Variants in SMYD2 observed in about 807,000 individuals in gnomAD.
SMYD2 encodes N-lysine methyltransferase SMYD2.
Under a neutral mutation model 59.1 loss-of-function variants are expected in SMYD2, and 53 were observed. The ratio of observed to expected loss-of-function variants is 0.90; its 90% CI spans 0.72 to 1.13. The LOEUF (loss-of-function observed/expected upper bound fraction) is 1.13. SMYD2 is among the 50% of genes most tolerant of loss of function. The pLI is 0.00. For synonymous variants in SMYD2, 208 were observed against 198.8 expected (o/e 1.05, Z -0.39); for missense variants, 494 against 544.7 (o/e 0.91, Z 0.93).
chr1:214,309,363 A>G (rs1430898903), intron 2 of SMYD2, among the ~76,000 whole-genome samples: 2 of 152,192 alleles, frequency 1.3e-5, no homozygotes, highest in African/African-American at 2.4e-5. Context: ...TATATTACTC[A>G]TTCACCCACT....
At position 214,281,286 on chromosome 1, in the gene SMYD2, G is replaced by C. The variant is rs757639696; in HGVS notation, c.32G>C (p.Arg11Pro). ...GCCGAGGGCCTCGGCGGCCTGGAGCGCTTCTGCAGCCCGGGCAAAGGCCGG... is the reference window on the plus strand; with the variant it reads ...GCCGAGGGCCTCGGCGGCCTGGAGCCCTTCTGCAGCCCGGGCAAAGGCCGG... MRAEGLGGLE[R>P]FCSPGKGRGL... The change falls in exon 1 of 12, where the codon CGC becomes CCC. Residue 11 changes from arginine (R) to proline (P), a missense_variant. Coordinates refer to ENST00000366957, the MANE Select transcript of SMYD2 (RefSeq NM_020197.3). The C allele has an allele frequency of 5.6e-4, 746 of 1,328,838 alleles. No homozygotes were observed. Among genetic ancestry groups the C allele is most frequent in the Non-Finnish European group, 7.0e-4 (723 of 1,031,740 alleles). The allele number at this position is 1,328,838 out of a possible 1,614,324, so 82.3% of individuals were successfully genotyped here.
intron 9 of SMYD2, chr1:214,331,815 T>C (rs1657358777): frequency 1.8e-6 from 1 of 550,548 alleles, no homozygotes; most frequent in Admixed American, 3.4e-5. Context: ...AATTCTTGAG[T>C]TGAGCGGTTC....
intron 1 of SMYD2, among the ~76,000 whole-genome samples, chr1:214,294,636 A>T (rs1002991884): frequency 6.6e-5 from 10 of 152,198 alleles, no homozygotes; most frequent in African/African-American, 2.4e-4. Flanking sequence ...GTGCCACCGC[A>T]CTCCAGCCTA....
chr1:214,328,248 T>C (rs1657294203), intron 7 of SMYD2, among the ~76,000 whole-genome samples: 1 of 152,104 alleles, frequency 6.6e-6, no homozygotes, highest in Non-Finnish European at 1.5e-5. Flanking sequence ...CAGAATTTCG[T>C]GTTCTATCAG....
At chr1:214,304,136 G>A (rs1199787456) in intron 1 of SMYD2, among the ~76,000 whole-genome samples, 2 of 152,216 alleles carry the variant, frequency 1.3e-5, no homozygotes, top group Non-Finnish European at 2.9e-5. Context: ...TTTATGGGAA[G>A]CAGGAAAAAT....
In SMYD2 at chr1:214,332,086, A is replaced by G; in HGVS notation, c.1006A>G (p.Asn336Asp). The G allele has an allele frequency of 6.2e-7, 1 of 1,614,150 alleles. No individual in the cohort carries two copies. Among genetic ancestry groups the G allele is most frequent in the Non-Finnish European group, 8.5e-7 (1 of 1,180,034 alleles). ...GATGAGCTCTGTGTTTGAGGACAGTAACGTGTACATGTTGCACATGATGTA... is the reference window on the plus strand; with the variant it reads ...GATGAGCTCTGTGTTTGAGGACAGTGACGTGTACATGTTGCACATGATGTA... The part of the protein sequence containing the change: ...EKMSSVFEDS[N>D]VYMLHMMYQA... Residue 336 changes from asparagine to aspartate, a missense_variant, in exon 10 of 12, where the codon AAC (asparagine) becomes GAC (aspartate). Coordinates refer to ENST00000366957, the MANE Select transcript of SMYD2 (RefSeq NM_020197.3).
At chr1:214,327,865 T>C (rs1657288243) in intron 7 of SMYD2, 141 bp downstream of exon 7, 1 of 636,306 alleles carries the variant, frequency 1.6e-6, no homozygotes, top group Non-Finnish European at 2.8e-6. Context: ...GCCCTCAGGC[T>C]CTCCAGGAGT....
Position 214,334,215 on chromosome 1 carries a change from G to A in SMYD2, c.1128G>A (p.Leu376=), listed in dbSNP as rs770042450. ...IIKPYSKHYP[L]YSLNVASMWL... is the part of the protein sequence containing the mutation. ...CTTGTTCTAGTAAGCACTATCCTTT[G>A]TACTCCCTCAACGTGGCCTCCATGT... The change falls in exon 11 of 12, where the codon TTG becomes TTA. Residue 376 remains leucine, a synonymous_variant. Transcript: ENST00000366957. 6.2e-7 allele frequency: 1 copy of A among 1,613,970 alleles called. No homozygotes were observed. The highest frequency in any genetic ancestry group is 2.2e-5 in the East Asian group (1 of 44,880).
chr1:214,294,578 G>A (rs1399665060), intron 1 of SMYD2, among the ~76,000 whole-genome samples: 5 of 152,170 alleles, frequency 3.3e-5, no homozygotes, highest in African/African-American at 4.8e-5. Context: ...GGCTGAGGCA[G>A]GAGAATCTCT....
intron 10 of SMYD2, chr1:214,333,135 A>C (rs1334226509): frequency 6.6e-6 from 1 of 152,342 alleles, no homozygotes; most frequent in Admixed American, 6.5e-5. Flanking sequence ...AAAGGAAGCC[A>C]GCTCTTAAAA....
rs1656441652 is a variant in SMYD2 at position 214,281,431 on chromosome 1, G to A, written c.173+4G>A. The A allele has an allele frequency of 7.1e-7, 1 of 1,409,064 alleles. No homozygotes were observed. The highest frequency in any genetic ancestry group is 9.3e-7 in the Non-Finnish European group (1 of 1,077,470). The allele number at this position is 1,409,064 out of a possible 1,614,324, so 87.3% of individuals were successfully genotyped here. Reference sequence around the variant, plus strand: ...ACTGCGAGTACTGCTTCACCAGGTAGGGCGGCGGCGGCGGCGGCGGCGGGC... The same window carrying A: ...ACTGCGAGTACTGCTTCACCAGGTAAGGCGGCGGCGGCGGCGGCGGCGGGC... On this transcript the variant is annotated splice_donor_region_variant and intron_variant, in intron 1 of 11. Coordinates refer to ENST00000366957, the MANE Select transcript of SMYD2 (RefSeq NM_020197.3).
At chr1:214,331,814 G>C (rs1657358731) in intron 9 of SMYD2, 1 of 551,180 alleles carries the variant, frequency 1.8e-6, no homozygotes, top group Non-Finnish European at 3.2e-6. Context: ...AAATTCTTGA[G>C]TTGAGCGGTT....
intron 5 of SMYD2, among the ~76,000 whole-genome samples, chr1:214,322,032 G>A (rs1223407391): frequency 3.3e-5 from 5 of 152,166 alleles, no homozygotes; most frequent in African/African-American, 7.2e-5. Flanking sequence ...TAAAGTGATC[G>A]AGTCTGACTG....
chr1:214,287,116 A>C (rs999139996), intron 1 of SMYD2, among the ~76,000 whole-genome samples: 4 of 151,976 alleles, frequency 2.6e-5, no homozygotes, highest in African/African-American at 9.7e-5. Context: ...GGTATGAGCC[A>C]CCACGCCTGG....
intron 1 of SMYD2, among the ~76,000 whole-genome samples, chr1:214,291,806 A>G (rs1014016554): frequency 6.6e-6 from 1 of 152,160 alleles, no homozygotes; most frequent in Non-Finnish European, 1.5e-5. Context: ...TGAATTGGCA[A>G]CATCCCTATG....
chr1:214,334,498 T>C (rs1657406174), intron 11 of SMYD2, among the ~76,000 whole-genome samples, 190 bp downstream of exon 11: 1 of 151,890 alleles, frequency 6.6e-6, no homozygotes, highest in African/African-American at 2.4e-5. Flanking sequence ...ACCTCTGCTG[T>C]GTTTGTGTCC....
chr1:214,309,303 G>C (rs1656963045), intron 2 of SMYD2, among the ~76,000 whole-genome samples: 1 of 152,156 alleles, frequency 6.6e-6, no homozygotes, highest in East Asian at 1.9e-4. Context: ...TGTAACCTGT[G>C]TGTTTTAATG....
Position 214,286,881 on chromosome 1 carries a change from C to T in SMYD2, c.173+5454C>T, listed in dbSNP as rs539270721. Among the ~76,000 whole-genome samples the T allele has an allele frequency of 3.6e-3, 522 of 146,178 alleles. 6 individuals are homozygous for T. The highest frequency in any genetic ancestry group is 0.025 in the South Asian group (115 of 4,578). On this transcript the variant is annotated intron_variant, in intron 1 of 11. Transcript: ENST00000366957. ...CTTTTTTTTTTTTGAGATGGAGTCT[C>T]ACTCTGTCACCCAGGCTAGAGTGCA...
Position 214,332,031 on chromosome 1 carries a change from G to T in SMYD2, c.951G>T (p.Leu317=). The change falls in exon 10 of 12, where the codon CTG becomes CTT. Residue 317 remains leucine (L), a synonymous_variant. Transcript: ENST00000366957. Reference sequence around the variant, plus strand: ...ACTCCACAGCACCCCCTAGTGAGCTGCTGGAGATCTGCGAGCTCAGCCAGG... The same window carrying T: ...ACTCCACAGCACCCCCTAGTGAGCTTCTGGAGATCTGCGAGCTCAGCCAGG... ...RAKHYKSPSE[L]LEICELSQEK... The T allele has an allele frequency of 6.2e-7, 1 of 1,613,206 alleles. No homozygotes were observed. The highest frequency in any genetic ancestry group is 8.5e-7 in the Non-Finnish European group (1 of 1,179,924).
Sources: gnomAD v4.1 joint callset for allele counts (sites outside exome capture counted in the v4.1 genomes callset) on GRCh38, gnomAD v4.1.1 for gene constraint, MANE v1.5 for transcripts, NCBI Gene and HGNC (gene_info 2026-07-23, HGNC 2026-07-21) for gene names.